PKHD1L1: variants seen among roughly 807,000 people sequenced by gnomAD.
The protein encoded by PKHD1L1 is PKHD1 like 1.
In PKHD1L1, 434 loss-of-function variants were observed where a neutral mutation model predicts 462.9. That is an observed-to-expected ratio of 0.94 (90% CI 0.87 to 1.02). The LOEUF (loss-of-function observed/expected upper bound fraction) is 1.02, where lower values mean the gene tolerates loss of function less well. Among genes scored for constraint, PKHD1L1 ranks in the 50% least tolerant of loss-of-function variants. The pLI is 0.00. For synonymous variants in PKHD1L1, 1,781 were observed against 1,750.0 expected, an observed-to-expected ratio of 1.02 and a Z score of -0.44; for missense variants, 5,202 against 5,096.1, an observed-to-expected ratio of 1.02 and a Z score of -0.63.
In PKHD1L1 at chr8:109,480,159, A is replaced by G; in HGVS notation, c.9327+20A>G. Reference sequence around the variant, plus strand: ...CTGCAGGTAAGAGTGAGGGCCTTGTAGTTTATATCTTTATTAATCTAATTC... The same window carrying G: ...CTGCAGGTAAGAGTGAGGGCCTTGTGGTTTATATCTTTATTAATCTAATTC... On this transcript the variant is annotated intron_variant, in intron 55 of 77. Coordinates refer to ENST00000378402, the MANE Select transcript of PKHD1L1 (RefSeq NM_177531.6). 1 of 1,520,562 alleles carries G rather than the reference A, an allele frequency of 6.6e-7. No homozygotes were observed. Among genetic ancestry groups the G allele is most frequent in the Non-Finnish European group, 8.8e-7 (1 of 1,141,140 alleles). The allele number at this position is 1,520,562 out of a possible 1,614,324, so 94.2% of individuals were successfully genotyped here.
intron 2 of PKHD1L1, 129 bp downstream of exon 2, chr8:109,364,765 A>G (rs1811149813): frequency 1.5e-6 from 1 of 655,772 alleles, no homozygotes; most frequent in Admixed American, 3.0e-5. Context: ...TGGCCAGAAT[A>G]GTAAAACTCT....
chr8:109,456,516 T>A, intron 46 of PKHD1L1, 125 bp downstream of exon 46: 1 of 931,392 alleles, frequency 1.1e-6, no homozygotes. Flanking sequence ...TAAAGAAATA[T>A]GAACAGCCAA....
chr8:109,397,526 A>AAAAAAG (rs1243896122), intron 11 of PKHD1L1, among the ~76,000 whole-genome samples: 1 of 146,290 alleles, frequency 6.8e-6, no homozygotes, highest in Non-Finnish European at 1.5e-5. Flanking sequence ...AAAGAAAGAA[A>AAAAAAG]AAAAAGAAAA....
At chr8:109,458,549 C>T (rs116152606) in intron 46 of PKHD1L1, among the ~76,000 whole-genome samples, 139 of 152,212 alleles carry the variant, frequency 9.1e-4, no homozygotes, top group Middle Eastern at 3.4e-3. Flanking sequence ...AGGACTGCAG[C>T]GTTGTTGCTC....
chr8:109,512,515 G>A (rs1376214170), intron 71 of PKHD1L1, among the ~76,000 whole-genome samples: 1 of 151,976 alleles, frequency 6.6e-6, no homozygotes, highest in Non-Finnish European at 1.5e-5. Context: ...TAGATATGCG[G>A]CATTATTTCT....
intron 2 of PKHD1L1, among the ~76,000 whole-genome samples, chr8:109,370,715 G>A (rs534701185): frequency 2.0e-5 from 3 of 152,058 alleles, no homozygotes; most frequent in Non-Finnish European, 2.9e-5. Flanking sequence ...GTGTCCATGT[G>A]TTCTCATTGT....
At chr8:109,456,686 T>G (rs1254884046) in intron 46 of PKHD1L1, among the ~76,000 whole-genome samples, 1 of 152,126 alleles carries the variant, frequency 6.6e-6, no homozygotes, top group East Asian at 1.9e-4. Flanking sequence ...TAAGAATCTA[T>G]TTGGAAAAAA....
At chr8:109,370,053 G>A (rs1277813907) in intron 2 of PKHD1L1, among the ~76,000 whole-genome samples, 1 of 152,160 alleles carries the variant, frequency 6.6e-6, no homozygotes, top group Non-Finnish European at 1.5e-5. Context: ...GAACATAAGG[G>A]CTGGAGGAAG....
Position 109,438,502 on chromosome 8 carries a change from A to G in PKHD1L1, c.3760+46A>G, listed in dbSNP as rs759172496. The G allele has an allele frequency of 1.5e-5, 22 of 1,474,478 alleles. No individual in the cohort carries two copies. In the African/African-American group the frequency reaches 3.0e-4, roughly 20 times the overall value. The allele number at this position is 1,474,478 out of a possible 1,614,324, so 91.3% of individuals were successfully genotyped here. ...ATTGGTCATTTGTCCTATGTATAAA[A>G]AACATTTCTAGAAAGGCTTTTGAAG... On this transcript the variant is annotated intron_variant, in intron 31 of 77. Coordinates refer to ENST00000378402, the MANE Select transcript of PKHD1L1 (RefSeq NM_177531.6).
At chr8:109,475,534 C>T (rs1361365313) in intron 51 of PKHD1L1, among the ~76,000 whole-genome samples, 1 of 152,074 alleles carries the variant, frequency 6.6e-6, no homozygotes, top group East Asian at 1.9e-4. Flanking sequence ...ATGATAATAA[C>T]TTACCTTTAC....
intron 23 of PKHD1L1, among the ~76,000 whole-genome samples, chr8:109,424,510 C>A (rs976439441): frequency 6.6e-6 from 1 of 152,058 alleles, no homozygotes; most frequent in Non-Finnish European, 1.5e-5. Flanking sequence ...GTATCATCAA[C>A]AGGAGAATAT....
intron 2 of PKHD1L1, among the ~76,000 whole-genome samples, chr8:109,369,065 C>T (rs1364439783): frequency 5.9e-5 from 9 of 151,906 alleles, no homozygotes; most frequent in African/African-American, 1.2e-4. Flanking sequence ...CTGCAACCTC[C>T]GCCTCCTGGG....
intron 2 of PKHD1L1, 113 bp from the exon 3 acceptor site, chr8:109,381,257 C>A: frequency 1.1e-6 from 1 of 916,152 alleles, no homozygotes; most frequent in Non-Finnish European, 1.7e-6. Context: ...AGGTTCACTG[C>A]TTCAGTAATG....
chr8:109,404,573 C>T lies in PKHD1L1; in HGVS notation c.1393C>T (p.Leu465=). The T allele has an allele frequency of 6.4e-7, 1 of 1,570,562 alleles. No individual in the cohort carries two copies. The highest frequency in any genetic ancestry group is 8.6e-7 in the Non-Finnish European group (1 of 1,157,146). The stretch of plus-strand genomic sequence containing the variant: ...TTCCAGATACTATATTGAAATCTTG[C>T]TGCAGGAGTACAGATTAAGTGCATT... The part of the protein sequence containing the change: ...KGKEYYIEIL[L]QEYRLSAFVD... The change falls in exon 15 of 78, where the codon CTG becomes TTG. Residue 465 remains leucine (L), a synonymous_variant. Transcript: ENST00000378402.
intron 46 of PKHD1L1, among the ~76,000 whole-genome samples, chr8:109,457,159 T>C (rs1250456047): frequency 6.6e-6 from 1 of 152,122 alleles, no homozygotes; most frequent in Non-Finnish European, 1.5e-5. Context: ...TGAACAGTGA[T>C]TTATAAGAAA....
In PKHD1L1 at chr8:109,452,615, T is replaced by A. The variant is rs922452314; in HGVS notation, c.6508-103T>A. Reference sequence around the variant, plus strand: ...TTATTGTTTATATATATTTACTATATAATATAAATATATTTATATTGTAAT... The same window carrying A: ...TTATTGTTTATATATATTTACTATAAAATATAAATATATTTATATTGTAAT... On this transcript the variant is annotated intron_variant, in intron 42 of 77. Coordinates refer to ENST00000378402, the MANE Select transcript of PKHD1L1 (RefSeq NM_177531.6). The A allele has an allele frequency of 7.2e-6, 4 of 553,580 alleles. No homozygotes were observed. The African/African-American group carries it at 8.0e-5, about 11-fold the overall frequency. The allele number at this position is 553,580 out of a possible 1,614,324, so 34.3% of individuals were successfully genotyped here.
chr8:109,453,791 A>G (rs1783164), intron 43 of PKHD1L1, among the ~76,000 whole-genome samples: 1 of 151,908 alleles, frequency 6.6e-6, no homozygotes, highest in Non-Finnish European at 1.5e-5. Context: ...TGGTTTTTAT[A>G]AACATGCTTT....
At chr8:109,402,453 T>G (rs569725810) in intron 14 of PKHD1L1, among the ~76,000 whole-genome samples, 1 of 152,112 alleles carries the variant, frequency 6.6e-6, no homozygotes, top group Non-Finnish European at 1.5e-5. Flanking sequence ...ATTTGGGGCA[T>G]CCCATTGCAC....
intron 72 of PKHD1L1, among the ~76,000 whole-genome samples, chr8:109,517,840 G>A (rs1820351677): frequency 6.6e-6 from 1 of 151,998 alleles, no homozygotes; most frequent in African/African-American, 2.4e-5. Context: ...TTAAAATTAT[G>A]AGCATGTGAA....
Sources: gnomAD v4.1 joint callset for allele counts (sites outside exome capture counted in the v4.1 genomes callset) on GRCh38, gnomAD v4.1.1 for gene constraint, MANE v1.5 for transcripts, NCBI Gene and HGNC (gene_info 2026-07-23, HGNC 2026-07-21) for gene names.